ADAM23: variants seen among roughly 807,000 people sequenced by gnomAD.
ADAM23 encodes the protein ADAM metallopeptidase domain 23.
A neutral mutation model predicts 120.1 loss-of-function variants in ADAM23; 33 were observed. The observed-to-expected ratio is 0.27, with a 90% CI of 0.21 to 0.37. The LOEUF (loss-of-function observed/expected upper bound fraction) is 0.37. ADAM23 is among the 10% of genes least tolerant of loss of function. ADAM23 has a pLI of 1.00. For missense variants in ADAM23, 862 were observed against 1,058.2 expected (o/e 0.81, Z 2.57); for synonymous variants, 367 against 375.2 (o/e 0.98, Z 0.25).
chr2:206,545,190 A>G (rs1198348031), intron 6 of ADAM23, among the ~76,000 whole-genome samples: 2 of 152,180 alleles, frequency 1.3e-5, no homozygotes, highest in Non-Finnish European at 2.9e-5. Flanking sequence ...AGGGATTTCA[A>G]ATTTAGATAA....
chr2:206,468,807 G>A (rs1444063523), intron 2 of ADAM23, among the ~76,000 whole-genome samples: 1 of 152,148 alleles, frequency 6.6e-6, no homozygotes, highest in Non-Finnish European at 1.5e-5. Flanking sequence ...AAAGAAAAGA[G>A]GTTTAATTGG....
chr2:206,503,076 T>C (rs1042556102), intron 3 of ADAM23, among the ~76,000 whole-genome samples: 2 of 152,198 alleles, frequency 1.3e-5, no homozygotes, highest in African/African-American at 4.8e-5. Context: ...TCCTGATTTA[T>C]ACATGTGCGT....
intron 14 of ADAM23, 22 bp from the exon 15 acceptor site, chr2:206,567,201 A>G (rs1404395657): frequency 6.5e-7 from 1 of 1,543,438 alleles, no homozygotes; most frequent in Non-Finnish European, 8.9e-7. Context: ...TTATTTACAT[A>G]GTTGATTCTT....
chr2:206,443,971 C>T lies in ADAM23; in HGVS notation c.105C>T (p.Ala35=), dbSNP rs1468928402. 3 of 1,347,842 alleles carry T rather than the reference C, an allele frequency of 2.2e-6. No homozygotes were observed. The highest frequency in any genetic ancestry group is 2.9e-6 in the Non-Finnish European group (3 of 1,047,520). The allele number at this position is 1,347,842 out of a possible 1,614,324, so 83.5% of individuals were successfully genotyped here. A position where few individuals can be genotyped will look rare whatever the true frequency, so the allele number is the denominator to read the frequency against. ...GCGGCCCCGCCGGCTCGGTGCCTGC[C>T]AGCGCCCCGGCCCGCACGCCGCCCT... ...PQRGPAGSVP[A]SAPARTPPCR... The change falls in exon 1 of 26, where the codon GCC becomes GCT. Residue 35 remains alanine (A), a synonymous_variant. Coordinates refer to ENST00000264377, the MANE Select transcript of ADAM23 (RefSeq NM_003812.4).
intron 3 of ADAM23, among the ~76,000 whole-genome samples, chr2:206,503,749 A>G (rs773958178): frequency 2.6e-5 from 4 of 152,138 alleles, no homozygotes; most frequent in Non-Finnish European, 2.9e-5. Context: ...TCATAAGTCA[A>G]TTCTGATTTT....
chr2:206,449,640 C>T lies in ADAM23; in HGVS notation c.432+4116C>T, dbSNP rs138550443. Among the ~76,000 whole-genome samples the T allele has an allele frequency of 9.4e-3, 1,437 of 152,256 alleles. 30 individuals are homozygous for T. Among genetic ancestry groups the T allele is most frequent in the African/African-American group, 0.033 (1,390 of 41,544 alleles). ...CAAAAATTAGCCGGGCGCAGTGGTG[C>T]GCACCTGTAATCCCAGCTACTCGGG... On this transcript the variant is annotated intron_variant, in intron 2 of 25. Transcript: ENST00000264377.
intron 3 of ADAM23, among the ~76,000 whole-genome samples, chr2:206,487,407 A>C (rs374154250): frequency 6.6e-6 from 1 of 152,142 alleles, no homozygotes; most frequent in Non-Finnish European, 1.5e-5. Flanking sequence ...AATGGAGACA[A>C]TTTGGTAGGC....
chr2:206,531,123 G>T (rs936390976), intron 4 of ADAM23, among the ~76,000 whole-genome samples, 175 bp downstream of exon 4: 18 of 152,128 alleles, frequency 1.2e-4, no homozygotes, highest in Admixed American at 9.8e-4. Flanking sequence ...TTGAGGTAAC[G>T]TTAGGTATTC....
At chr2:206,542,478 G>A (rs1697311495) in intron 5 of ADAM23, among the ~76,000 whole-genome samples, 1 of 152,182 alleles carries the variant, frequency 6.6e-6, no homozygotes, top group South Asian at 2.1e-4. Context: ...AGACTTGAGA[G>A]TCAGTAGGCC....
chr2:206,573,521 A>T (rs1242490119), intron 18 of ADAM23, among the ~76,000 whole-genome samples: 2 of 152,200 alleles, frequency 1.3e-5, no homozygotes, highest in African/African-American at 4.8e-5. Context: ...CCATGTGGAC[A>T]ATCAGTGGTT....
chr2:206,525,277 C>G lies in ADAM23; in HGVS notation c.510-5608C>G, dbSNP rs539926266. Among the ~76,000 whole-genome samples the G allele has an allele frequency of 9.2e-5, 14 of 152,264 alleles. No homozygotes were observed. The South Asian group carries it at 2.9e-3, about 32-fold the overall frequency. On this transcript the variant is annotated intron_variant, in intron 3 of 25. Coordinates refer to ENST00000264377, the MANE Select transcript of ADAM23 (RefSeq NM_003812.4). Reference sequence around the variant, plus strand: ...ACAAGCTTGTTCTCAGCAACTCACTCAATTTCCTAGTTAGAAATAAACTGA... The same window carrying G: ...ACAAGCTTGTTCTCAGCAACTCACTGAATTTCCTAGTTAGAAATAAACTGA...
intron 3 of ADAM23, among the ~76,000 whole-genome samples, chr2:206,514,828 T>C (rs1696696658): frequency 6.6e-6 from 1 of 152,172 alleles, no homozygotes; most frequent in Admixed American, 6.5e-5. Flanking sequence ...GACAAGACCC[T>C]CTACCAGCAA....
At chr2:206,446,541 C>A (rs1474042284) in intron 2 of ADAM23, among the ~76,000 whole-genome samples, 1 of 152,068 alleles carries the variant, frequency 6.6e-6, no homozygotes, top group Non-Finnish European at 1.5e-5. Flanking sequence ...CAGTATTTAT[C>A]CCCATTTTAC....
In ADAM23 at chr2:206,562,224, G is replaced by A. The variant is rs1367668000; in HGVS notation, c.1276G>A (p.Ala426Thr). 5 of 1,613,834 alleles carry A rather than the reference G, an allele frequency of 3.1e-6. No homozygotes were observed. The highest frequency in any genetic ancestry group is 1.3e-5 in the African/African-American group (1 of 74,924). ...ACAGTATGGTCTTCCAATGGCAGTGGCACAAGTATTATCGCAGAGCCTGGC... is the reference window on the plus strand; with the variant it reads ...ACAGTATGGTCTTCCAATGGCAGTGACACAAGTATTATCGCAGAGCCTGGC... ...VNEYGLPMAV[A>T]QVLSQSLAQN... The change falls in exon 13 of 26, where the codon GCA (alanine) becomes ACA (threonine). Residue 426 changes from alanine to threonine, a missense_variant. By Grantham distance (58) the Ala-to-Thr change is moderately conservative. Around this residue, in one of 4 missense-constraint regions of ADAM23, gnomAD observed 617 missense variants for 813.5 expected, o/e 0.76. Transcript: ENST00000264377.
intron 25 of ADAM23, among the ~76,000 whole-genome samples, chr2:206,616,224 T>A (rs1056842027): frequency 3.9e-5 from 6 of 152,158 alleles, no homozygotes; most frequent in African/African-American, 1.4e-4. Flanking sequence ...GAGGATGCAT[T>A]ATGGGATACT....
At position 206,620,350 on chromosome 2, in the gene ADAM23, A is replaced by C. The variant is rs887497641; in HGVS notation, c.*2723A>C. The C allele has an allele frequency of 7.2e-5, 11 of 152,186 alleles. No homozygotes were observed. Among genetic ancestry groups the C allele is most frequent in the African/African-American group, 2.7e-4 (11 of 41,454 alleles). The allele number at this position is 152,186 out of a possible 1,614,324, so 9.4% of individuals were successfully genotyped here. On this transcript the variant is annotated 3_prime_UTR_variant, in exon 26 of 26. Coordinates refer to ENST00000264377, the MANE Select transcript of ADAM23 (RefSeq NM_003812.4). ...TGCTCCAATGTTAAATTATTTGTGT[A>C]TATGTAAAATACACAAGCTTTAAGC...
At chr2:206,477,678 A>C (rs921910045) in intron 2 of ADAM23, among the ~76,000 whole-genome samples, 4 of 151,990 alleles carry the variant, frequency 2.6e-5, no homozygotes, top group African/African-American at 7.2e-5. Flanking sequence ...ACCTCACTGT[A>C]TAGTTCCTTT....
At chr2:206,458,629 G>T (rs1048858265) in intron 2 of ADAM23, among the ~76,000 whole-genome samples, 1 of 152,226 alleles carries the variant, frequency 6.6e-6, no homozygotes, top group African/African-American at 2.4e-5. Context: ...AGGCATTTTA[G>T]TGGGTTGTCA....
intron 3 of ADAM23, among the ~76,000 whole-genome samples, chr2:206,512,760 T>C (rs971645802): frequency 8.5e-5 from 13 of 152,188 alleles, no homozygotes; most frequent in African/African-American, 2.7e-4. Flanking sequence ...TTTGCAGATA[T>C]TGTGCTTCTA....
Sources: gnomAD v4.1 joint callset for allele counts (sites outside exome capture counted in the v4.1 genomes callset) on GRCh38, gnomAD v4.1.1 for gene constraint, gnomAD v4.1.1 regional missense constraint, MANE v1.5 for transcripts, NCBI Gene and HGNC (gene_info 2026-07-23, HGNC 2026-07-21) for gene names.